The following DACH2 variants were observed in gnomAD, a reference collection of about 807,000 sequenced individuals.
DACH2 encodes the protein dachshund family transcription factor 2.
Under a neutral mutation model 35.8 loss-of-function variants are expected in DACH2, and 17 were observed. The ratio of observed to expected loss-of-function variants is 0.48; its 90% CI spans 0.33 to 0.71. The LOEUF (loss-of-function observed/expected upper bound fraction) is 0.71. Ranked by LOEUF, DACH2 falls within the 30% of genes least tolerant of loss-of-function variation. The pLI, the probability that DACH2 is intolerant of heterozygous loss-of-function variation, is 0.02. For missense variants in DACH2, 469 were observed against 472.7 expected, an observed-to-expected ratio of 0.99 and a Z score of 0.07; for synonymous variants, 195 against 177.3, an observed-to-expected ratio of 1.10 and a Z score of -0.79.
intron 2 of DACH2, among the ~76,000 whole-genome samples, chrX:86,470,383 A>C (rs1159265539): frequency 8.9e-6 from 1 of 111,802 alleles, no homozygotes; most frequent in East Asian, 2.8e-4. Context: ...CTTTTAGATG[A>C]TGTCTTTTCT....
intron 2 of DACH2, among the ~76,000 whole-genome samples, chrX:86,457,005 T>C (rs943468900): frequency 4.5e-5 from 5 of 111,837 alleles, no homozygotes; most frequent in African/African-American, 1.6e-4. Flanking sequence ...CTTTTTAATC[T>C]GACCTCTATC....
At chrX:86,165,487 A>G (rs2030913920) in intron 1 of DACH2, among the ~76,000 whole-genome samples, 1 of 111,004 alleles carries the variant, frequency 9.0e-6, no homozygotes, top group African/African-American at 3.3e-5. Context: ...CCTCACCAGT[A>G]TTTATTATTG....
intron 1 of DACH2, among the ~76,000 whole-genome samples, chrX:86,163,114 T>C (rs1020858509): frequency 1.8e-5 from 2 of 111,343 alleles, no homozygotes; most frequent in African/African-American, 3.3e-5. Flanking sequence ...AGTCACCCTA[T>C]TGTACTATCA....
intron 7 of DACH2, among the ~76,000 whole-genome samples, chrX:86,804,520 AT>A (rs778218799): frequency 5.4e-5 from 6 of 111,785 alleles, no homozygotes; most frequent in African/African-American, 1.9e-4. Flanking sequence ...CCCTTCTCAC[AT>A]TTCAAAATAC....
At chrX:86,413,372 G>A (rs1237216878) in intron 2 of DACH2, among the ~76,000 whole-genome samples, 2 of 112,250 alleles carry the variant, frequency 1.8e-5, no homozygotes, top group Non-Finnish European at 3.8e-5. Flanking sequence ...CAGGAATGGA[G>A]AAAAAGAATT....
At chrX:86,745,721 G>A (rs768464016) in intron 7 of DACH2, among the ~76,000 whole-genome samples, 1 of 111,083 alleles carries the variant, frequency 9.0e-6, no homozygotes, top group South Asian at 3.8e-4. Context: ...GCATGATTTA[G>A]AATGGTTTAT....
At chrX:86,236,022 A>G (rs1236997200) in intron 1 of DACH2, among the ~76,000 whole-genome samples, 1 of 111,229 alleles carries the variant, frequency 9.0e-6, no homozygotes, top group Non-Finnish European at 1.9e-5. Context: ...AATCCCAGTT[A>G]CTCAGGAGGC....
chrX:86,649,181 T>C (rs940656017), intron 3 of DACH2, among the ~76,000 whole-genome samples: 6 of 111,092 alleles, frequency 5.4e-5, no homozygotes, highest in African/African-American at 2.0e-4. Flanking sequence ...CTTAATATCA[T>C]CATAGGAGAC....
chrX:86,452,371 A>AT (rs1451923737), intron 2 of DACH2, among the ~76,000 whole-genome samples: 1 of 111,392 alleles, frequency 9.0e-6, no homozygotes, highest in African/African-American at 3.3e-5. Flanking sequence ...TTCGTTTTCA[A>AT]TTTTTTGGAA....
rs920478548 is a variant in DACH2 at position 86,632,832 on chromosome X, C to G, written c.641-18204C>G. 4.5e-5 allele frequency among the ~76,000 whole-genome samples: 5 copies of G among 110,620 alleles called. No homozygotes were observed. In the South Asian group the frequency reaches 1.9e-3, roughly 43 times the overall value. ...ATACCTGGAAATTAAACAAAATGCT[C>G]CTGAGAGTTCTTTGGGTCAATGACA... is the stretch of plus-strand genomic sequence containing the variant. On this transcript the variant is annotated intron_variant, in intron 3 of 11. Transcript: ENST00000373125.
At chrX:86,374,673 T>C (rs2035936976) in intron 1 of DACH2, among the ~76,000 whole-genome samples, 1 of 111,255 alleles carries the variant, frequency 9.0e-6, no homozygotes, top group Non-Finnish European at 1.9e-5. Context: ...AGACACATTT[T>C]AGTAAATTTC....
At chrX:86,431,138 A>G (rs1341531570) in intron 2 of DACH2, among the ~76,000 whole-genome samples, 1 of 111,518 alleles carries the variant, frequency 9.0e-6, no homozygotes, top group East Asian at 2.8e-4. Flanking sequence ...TTATGGGTTT[A>G]TAGTTTCTCC....
At chrX:86,617,169 G>A (rs1448602356) in intron 3 of DACH2, among the ~76,000 whole-genome samples, 2 of 111,740 alleles carry the variant, frequency 1.8e-5, no homozygotes, top group Non-Finnish European at 3.8e-5. Context: ...TTGTAGCCCT[G>A]TAGTATAGTC....
intron 1 of DACH2, among the ~76,000 whole-genome samples, chrX:86,190,978 C>A (rs1228311996): frequency 9.0e-6 from 1 of 111,652 alleles, no homozygotes; most frequent in Non-Finnish European, 1.9e-5. Flanking sequence ...AAATAAAAAG[C>A]AGATGCTAGC....
chrX:86,610,422 C>CTTTCTTTCTTTCTTTCTTTCTTTCTT (rs1569452362), intron 3 of DACH2, among the ~76,000 whole-genome samples: 6 of 45,888 alleles, frequency 1.3e-4, no homozygotes, highest in Admixed American at 2.7e-4. Flanking sequence ...TCTTTCTTTT[C>CTTTCTTTCTTTCTTTCTTTCTTTCTT]TTTCTTTCTT....
intron 3 of DACH2, among the ~76,000 whole-genome samples, chrX:86,564,421 G>A (rs1333488137): frequency 1.8e-5 from 2 of 109,663 alleles, no homozygotes; most frequent in African/African-American, 3.4e-5. Flanking sequence ...AAGTAAGTGG[G>A]AAATTAATTC....
At chrX:86,709,905 A>G (rs2041259086) in intron 5 of DACH2, among the ~76,000 whole-genome samples, 1 of 112,160 alleles carries the variant, frequency 8.9e-6, no homozygotes, top group Admixed American at 9.5e-5. Context: ...GTTCACAAAG[A>G]TTTGGAACAA....
intron 1 of DACH2, among the ~76,000 whole-genome samples, chrX:86,159,946 T>C (rs1252414236): frequency 9.0e-6 from 1 of 111,113 alleles, no homozygotes; most frequent in Non-Finnish European, 1.9e-5. Context: ...AACTCTCTTT[T>C]AATGGGTCTA....
chrX:86,812,205 C>A (rs935442123), intron 7 of DACH2, among the ~76,000 whole-genome samples: 4 of 111,631 alleles, frequency 3.6e-5, no homozygotes, highest in Middle Eastern at 4.2e-3. Flanking sequence ...CACAAAAAAA[C>A]CATGTATCGT....
Sources: gnomAD v4.1 joint callset for allele counts (sites outside exome capture counted in the v4.1 genomes callset) on GRCh38, gnomAD v4.1.1 for gene constraint, MANE v1.5 for transcripts, NCBI Gene and HGNC (gene_info 2026-07-23, HGNC 2026-07-21) for gene names.